The following MACROD2 variants were observed in gnomAD, a reference collection of about 807,000 sequenced individuals.
MACROD2 encodes the protein ADP-ribose glycohydrolase MACROD2.
Under a neutral mutation model 70.4 loss-of-function variants are expected in MACROD2, and 36 were observed. That is an observed-to-expected ratio of 0.51 (90% CI 0.39 to 0.68). The LOEUF (loss-of-function observed/expected upper bound fraction) is 0.68. MACROD2 is among the 30% of genes least tolerant of loss of function. The pLI, the probability that MACROD2 is intolerant of heterozygous loss-of-function variation, is 0.00. For synonymous variants in MACROD2, 172 were observed against 178.8 expected (o/e 0.96, Z 0.30); for missense variants, 496 against 538.4 (o/e 0.92, Z 0.78).
At chr20:14,108,369 A>G (rs1301682562) in intron 3 of MACROD2, among the ~76,000 whole-genome samples, 1 of 152,032 alleles carries the variant, frequency 6.6e-6, no homozygotes, top group Non-Finnish European at 1.5e-5. Flanking sequence ...AAGCAACCAG[A>G]AAACAAATAA....
At chr20:15,946,555 G>A (rs903069303) in intron 12 of MACROD2, among the ~76,000 whole-genome samples, 1 of 152,110 alleles carries the variant, frequency 6.6e-6, no homozygotes, top group South Asian at 2.1e-4. Context: ...ATGTTATCAT[G>A]AACTATATTG....
intron 5 of MACROD2, among the ~76,000 whole-genome samples, chr20:15,176,280 G>A (rs1676034850): frequency 6.6e-6 from 1 of 152,160 alleles, no homozygotes. Context: ...AGGCAGACAG[G>A]CTCCTGGACA....
chr20:14,473,818 T>G (rs2084558628), intron 3 of MACROD2, among the ~76,000 whole-genome samples: 1 of 152,122 alleles, frequency 6.6e-6, no homozygotes, highest in African/African-American at 2.4e-5. Flanking sequence ...TTTGTTATCT[T>G]TTGTCTTTTT....
chr20:15,407,560 G>A (rs1194340505), intron 6 of MACROD2, among the ~76,000 whole-genome samples: 1 of 152,180 alleles, frequency 6.6e-6, no homozygotes, highest in Non-Finnish European at 1.5e-5. Context: ...GGCTAGAGGT[G>A]GGTAGAGAGG....
At chr20:14,496,459 A>G (rs1402980525) in intron 4 of MACROD2, among the ~76,000 whole-genome samples, 1 of 152,196 alleles carries the variant, frequency 6.6e-6, no homozygotes, top group Non-Finnish European at 1.5e-5. Context: ...CTGAGTGCTT[A>G]CCACCAATAA....
intron 3 of MACROD2, among the ~76,000 whole-genome samples, chr20:14,145,437 A>T (rs1030334800): frequency 6.6e-6 from 1 of 152,138 alleles, no homozygotes; most frequent in African/African-American, 2.4e-5. Flanking sequence ...TTTATTTTTC[A>T]TAGATTTCTA....
chr20:14,814,191 A>G (rs761312365), intron 5 of MACROD2, among the ~76,000 whole-genome samples: 1 of 152,050 alleles, frequency 6.6e-6, no homozygotes, highest in Non-Finnish European at 1.5e-5. Flanking sequence ...GTGCATTCCA[A>G]ATCAGTGCTG....
At chr20:14,025,249 TTC>T (rs2053145465) in intron 2 of MACROD2, among the ~76,000 whole-genome samples, 1 of 152,218 alleles carries the variant, frequency 6.6e-6, no homozygotes, top group Non-Finnish European at 1.5e-5. Context: ...TGTTTGATTC[TTC>T]TCTCTTTTCT....
chr20:14,435,403 T>G lies in MACROD2; in HGVS notation c.272-58076T>G, dbSNP rs189481423. Among the ~76,000 whole-genome samples, 411 of 152,294 alleles carry G rather than the reference T, an allele frequency of 2.7e-3. 1 individual carries two copies. The highest frequency in any genetic ancestry group is 3.7e-3 in the Non-Finnish European group (250 of 68,018). On this transcript the variant is annotated intron_variant, in intron 3 of 17. Coordinates refer to ENST00000684519, the MANE Select transcript of MACROD2 (RefSeq NM_001351661.2). ...AAACTGCCATTCAAGTTTCCAGGCA[T>G]TAGGATATGGACATATCTTTTGTGG...
At chr20:14,694,075 T>C (rs542727292) in intron 5 of MACROD2, among the ~76,000 whole-genome samples, 27 of 152,234 alleles carry the variant, frequency 1.8e-4, no homozygotes, top group Middle Eastern at 3.4e-3. Context: ...AGGATGCTAA[T>C]GAACAAGTCA....
chr20:14,333,237 A>G (rs769809429), intron 3 of MACROD2, among the ~76,000 whole-genome samples: 3 of 152,202 alleles, frequency 2.0e-5, no homozygotes, highest in Non-Finnish European at 4.4e-5. Flanking sequence ...AATAGAGGAT[A>G]AAATTTCCAA....
rs565652304 is a variant in MACROD2, at chr20:14,820,295, G to A, written c.418+135336G>A. On this transcript the variant is annotated intron_variant, in intron 5 of 17. Transcript: ENST00000684519. Reference sequence around the variant, plus strand: ...TCATCCTTTCATTCTAAAAGGAGTCGTGGATGTAGATTTAACCGTTCTGGT... The same window carrying A: ...TCATCCTTTCATTCTAAAAGGAGTCATGGATGTAGATTTAACCGTTCTGGT... Among the ~76,000 whole-genome samples the A allele has an allele frequency of 4.0e-5, 6 of 151,198 alleles. No homozygotes were observed. In the South Asian group the frequency reaches 8.4e-4, roughly 21 times the overall value.
chr20:15,146,093 G>A (rs1468582757), intron 5 of MACROD2, among the ~76,000 whole-genome samples: 1 of 152,006 alleles, frequency 6.6e-6, no homozygotes, highest in Non-Finnish European at 1.5e-5. Flanking sequence ...ATCTCATACA[G>A]CTTTGATACA....
intron 3 of MACROD2, chr20:14,327,479 G>A: frequency 6.2e-7 from 1 of 1,613,182 alleles, no homozygotes; most frequent in East Asian, 2.2e-5. Flanking sequence ...GTCCCGATGA[G>A]GAAGATGCTC....
At chr20:15,933,936 T>C (rs2065618172) in intron 11 of MACROD2, among the ~76,000 whole-genome samples, 1 of 152,150 alleles carries the variant, frequency 6.6e-6, no homozygotes, top group South Asian at 2.1e-4. Context: ...TTCCACACCG[T>C]AGATTATAAA....
At chr20:14,673,101 T>TCAGTTC (rs1307579493) in intron 4 of MACROD2, among the ~76,000 whole-genome samples, 1 of 152,232 alleles carries the variant, frequency 6.6e-6, no homozygotes, top group Admixed American at 6.5e-5. Flanking sequence ...GTCATTGAGT[T>TCAGTTC]CAGTTCCAGT....
chr20:14,998,494 CAG>C (rs2074968579), intron 5 of MACROD2, among the ~76,000 whole-genome samples: 1 of 151,980 alleles, frequency 6.6e-6, no homozygotes, highest in South Asian at 2.1e-4. Flanking sequence ...AAGAATTCAC[CAG>C]AGTCTCTCAA....
intron 4 of MACROD2, among the ~76,000 whole-genome samples, chr20:14,513,736 C>G (rs1210425629): frequency 6.6e-6 from 1 of 151,992 alleles, no homozygotes; most frequent in Non-Finnish European, 1.5e-5. Flanking sequence ...AATAAAATAA[C>G]ATTACAACAA....
intron 7 of MACROD2, among the ~76,000 whole-genome samples, chr20:15,489,947 A>AT (rs1600486223): frequency 1.3e-5 from 2 of 152,006 alleles, no homozygotes; most frequent in East Asian, 1.9e-4. Context: ...GGTTTGATTT[A>AT]TTTTTTGTGG....
Sources: gnomAD v4.1 joint callset for allele counts (sites outside exome capture counted in the v4.1 genomes callset) on GRCh38, gnomAD v4.1.1 for gene constraint, MANE v1.5 for transcripts, NCBI Gene and HGNC (gene_info 2026-07-23, HGNC 2026-07-21) for gene names.